PCF11: variants seen among roughly 807,000 people sequenced by gnomAD.
The protein encoded by PCF11 is PCF11 cleavage and polyadenylation factor subunit.
A neutral mutation model predicts 166.1 loss-of-function variants in PCF11; 19 were observed. The ratio of observed to expected loss-of-function variants is 0.11; its 90% CI spans 0.08 to 0.17. PCF11 has a LOEUF of 0.17. PCF11 is among the 10% of genes least tolerant of loss of function. PCF11 has a pLI of 1.00. For synonymous variants in PCF11, 663 were observed against 644.1 expected (o/e 1.03, Z -0.44); for missense variants, 1,565 against 1,855.5 (o/e 0.84, Z 2.88).
At chr11:83,182,806 T>C (rs766035032) in intron 14 of PCF11, among the ~76,000 whole-genome samples, 1 of 152,194 alleles carries the variant, frequency 6.6e-6, no homozygotes, top group African/African-American at 2.4e-5. Flanking sequence ...CATCAAACTA[T>C]ACTGTGCTGA....
chr11:83,187,198 C>G (rs1415729858), exon 16 of PCF11: 1 of 152,324 alleles, frequency 6.6e-6, no homozygotes, highest in Non-Finnish European at 1.5e-5. Flanking sequence ...GCTGGGATTA[C>G]AGGTGCCCGC....
chr11:83,183,132 A>AT, intron 15 of PCF11, 59 bp downstream of exon 15: 2 of 1,032,440 alleles, frequency 1.9e-6, no homozygotes, highest in African/African-American at 1.7e-5. Flanking sequence ...TTTACTTTTC[A>AT]GTTTTTTTTT....
intron 9 of PCF11, among the ~76,000 whole-genome samples, chr11:83,174,479 A>C (rs1860807650): frequency 6.6e-6 from 1 of 151,582 alleles, no homozygotes; most frequent in African/African-American, 2.4e-5. Context: ...TCGGCCTCCC[A>C]AAGTGTTGGG....
intron 8 of PCF11, among the ~76,000 whole-genome samples, chr11:83,170,336 C>T (rs571289645): frequency 6.6e-6 from 1 of 152,186 alleles, no homozygotes; most frequent in South Asian, 2.1e-4. Flanking sequence ...AACTGTTGAG[C>T]CCTGACGTGC....
At chr11:83,170,112 T>C (rs758644573) in intron 8 of PCF11, 117 bp downstream of exon 8, 1 of 864,880 alleles carries the variant, frequency 1.2e-6, no homozygotes, top group Non-Finnish European at 1.7e-6. Context: ...GTTTTTAATG[T>C]ACTCTAAAGC....
chr11:83,161,427 C>G, exon 2 of PCF11: 2 of 1,592,608 alleles, frequency 1.3e-6, no homozygotes, highest in Non-Finnish European at 1.7e-6. Flanking sequence ...AATCTAGTTG[C>G]AACATTTATT....
intron 11 of PCF11, among the ~76,000 whole-genome samples, chr11:83,179,394 C>T (rs1590937488): frequency 6.6e-6 from 1 of 151,884 alleles, no homozygotes; most frequent in African/African-American, 2.4e-5. Context: ...AGATTATAGG[C>T]ACCCATCACC....
intron 9 of PCF11, among the ~76,000 whole-genome samples, chr11:83,172,327 C>T (rs991967694): frequency 2.0e-5 from 3 of 152,242 alleles, no homozygotes; most frequent in East Asian, 1.9e-4. Context: ...TAGCAAAAAG[C>T]GGCTTTCCTA....
chr11:83,162,543 A>G (rs57435609), intron 2 of PCF11, among the ~76,000 whole-genome samples: 8,953 of 152,138 alleles, frequency 0.059, 880 homozygotes, highest in African/African-American at 0.2. Flanking sequence ...AGCTTAACCA[A>G]CCTCTTGGTT....
chr11:83,175,446 T>A (rs1169623942), intron 9 of PCF11, among the ~76,000 whole-genome samples: 1 of 151,964 alleles, frequency 6.6e-6, no homozygotes, highest in Non-Finnish European at 1.5e-5. Context: ...AATATTGTTT[T>A]CATAGTTAAA....
chr11:83,159,169 C>T (rs1860128223), intron 1 of PCF11, among the ~76,000 whole-genome samples: 1 of 151,918 alleles, frequency 6.6e-6, no homozygotes, highest in African/African-American at 2.4e-5. Flanking sequence ...TTTTCGTTCA[C>T]TTTTTCCTGT....
rs2135424284 is a variant in PCF11 at position 83,166,732 on chromosome 11, T to C, written c.1817+18T>C. On this transcript the variant is annotated intron_variant, in intron 5 of 15. Coordinates refer to ENST00000298281, the Ensembl canonical transcript of PCF11. The stretch of plus-strand genomic sequence containing the variant: ...AATAAAAGGTATGATGTTAACATTT[T>C]AAGTCAAGTGTAGTAGTGTATATGT... 6.4e-7 allele frequency: 1 copy of C among 1,562,418 alleles called. No individual in the cohort carries two copies. The highest frequency in any genetic ancestry group is 8.6e-7 in the Non-Finnish European group (1 of 1,159,214).
At position 83,167,097 on chromosome 11, in the gene PCF11, AT is replaced by A; in HGVS notation, c.1818-27del. The A allele has an allele frequency of 3.2e-6, 5 of 1,547,786 alleles. No homozygotes were observed. Among genetic ancestry groups the A allele is most frequent in the Non-Finnish European group, 4.4e-6 (5 of 1,137,160 alleles). The stretch of plus-strand genomic sequence containing the variant: ...GAGTATTTTTTAAAAAAACATTTCA[AT>A]GTAACATACTGCTTTTATGGTTTCA... On this transcript the variant is annotated intron_variant, in intron 5 of 15. Coordinates refer to ENST00000298281, the Ensembl canonical transcript of PCF11. The surrounding 1 kb of genome is among the most constrained non-coding windows in gnomAD (Gnocchi z 4.2).
chr11:83,162,041 C>G (rs1380317832), intron 2 of PCF11, among the ~76,000 whole-genome samples: 4 of 152,152 alleles, frequency 2.6e-5, no homozygotes, highest in African/African-American at 4.8e-5. Flanking sequence ...CCTTAGTGTT[C>G]AGAAATTAGG....
chr11:83,168,199 A>G (rs1327725350), intron 7 of PCF11, among the ~76,000 whole-genome samples: 2 of 152,230 alleles, frequency 1.3e-5, no homozygotes, highest in African/African-American at 4.8e-5. Context: ...GAGAGGTTAA[A>G]TAACTTGCTC....
chr11:83,157,482 C>T, exon 1 of PCF11: 1 of 1,613,092 alleles, frequency 6.2e-7, no homozygotes, highest in Non-Finnish European at 8.5e-7. Flanking sequence ...TGCGGGGGCC[C>T]GGGAGGACGC....
intron 1 of PCF11, 43 bp downstream of exon 1, chr11:83,157,674 C>CTGATTTTAG (rs747410340): frequency 7.7e-6 from 12 of 1,549,620 alleles, no homozygotes; most frequent in Non-Finnish European, 1.1e-5. Flanking sequence ...CTAATACTCC[C>CTGATTTTAG]TGATTTTAGT....
At chr11:83,178,102 G>A (rs185468879) in intron 11 of PCF11, among the ~76,000 whole-genome samples, 8 of 152,256 alleles carry the variant, frequency 5.3e-5, no homozygotes, top group Non-Finnish European at 7.4e-5. Context: ...GTTCAGTGGC[G>A]TGATCCTGAC....
Position 83,180,830 on chromosome 11 carries a change from G to C in PCF11, c.3984-178G>C, listed in dbSNP as rs1438350145. ...ATCTTCCAAAAGTCACCAAAGTTAA[G>C]GTAAAGAGGGTCAATCACATTGTTA... On this transcript the variant is annotated intron_variant, in intron 11 of 15. Transcript: ENST00000298281. 7.5e-6 allele frequency: 3 copies of C among 401,992 alleles called. 1 individual carries two copies. Among genetic ancestry groups the C allele is most frequent in the Non-Finnish European group, 1.3e-5 (3 of 223,142 alleles). The allele number at this position is 401,992 out of a possible 1,614,324, so 24.9% of individuals were successfully genotyped here. A position where few individuals can be genotyped will look rare whatever the true frequency, so the allele number is the denominator to read the frequency against.
Sources: allele counts gnomAD v4.1 joint callset (sites outside exome capture counted in the v4.1 genomes callset), GRCh38; gene constraint gnomAD v4.1.1; non-coding constraint Gnocchi (gnomAD v3.1); transcripts MANE v1.5; gene names NCBI Gene and HGNC (gene_info 2026-07-23, HGNC 2026-07-21).